The following EZH2 variants were observed in gnomAD, a reference collection of about 807,000 sequenced individuals.
EZH2 encodes the protein histone-lysine N-methyltransferase EZH2.
Under a neutral mutation model 98.4 loss-of-function variants are expected in EZH2, and 18 were observed. That is an observed-to-expected ratio of 0.18 (90% CI 0.13 to 0.27). The LOEUF (loss-of-function observed/expected upper bound fraction) is 0.27, where lower values mean the gene tolerates loss of function less well. EZH2 is among the 10% of genes least tolerant of loss of function. The pLI, the probability that EZH2 is intolerant of heterozygous loss-of-function variation, is 1.00. For synonymous variants in EZH2, 338 were observed against 312.3 expected, an observed-to-expected ratio of 1.08 and a Z score of -0.87; for missense variants, 470 against 935.1, an observed-to-expected ratio of 0.50 and a Z score of 6.49.
intron 16 of EZH2, among the ~76,000 whole-genome samples, chr7:148,810,896 C>CAAAAAAAAAAAAAAAA (rs924758768): frequency 2.3e-5 from 1 of 43,672 alleles, no homozygotes; most frequent in African/African-American, 8.6e-5. Context: ...AACTCTGTCT[C>CAAAAAAAAAAAAAAAA]AAAAAAAAAA....
rs187907541 is a variant in EZH2 at position 148,815,644 on chromosome 7, G to A, written c.1506-98C>T. ...GGATCTATCTGTGCCATGAATACAG[G>A]AATGCGTTAAAGCCAAGAGTCATGC... On this transcript the variant is annotated intron_variant, in intron 12 of 19. Coordinates refer to ENST00000320356, the MANE Select transcript of EZH2 (RefSeq NM_004456.5). The A allele has an allele frequency of 2.7e-6, 3 of 1,104,386 alleles. No homozygotes were observed. In the East Asian group the frequency reaches 7.1e-5, roughly 26 times the overall value. The allele number at this position is 1,104,386 out of a possible 1,614,324, so 68.4% of individuals were successfully genotyped here. A position where few individuals can be genotyped will look rare whatever the true frequency, so the allele number is the denominator to read the frequency against.
rs180787169 is a variant in EZH2, at chr7:148,837,587, A to T, written c.247-4837T>A. Reference sequence around the variant, plus strand: ...TTTATGCAAAGTAAGTACTGAAGAAAAACTGCAATGAGATAAATAGCAAAT... The same window carrying T: ...TTTATGCAAAGTAAGTACTGAAGAATAACTGCAATGAGATAAATAGCAAAT... On this transcript the variant is annotated intron_variant, in intron 3 of 19. Coordinates refer to ENST00000320356, the MANE Select transcript of EZH2 (RefSeq NM_004456.5). 4.8e-3 allele frequency among the ~76,000 whole-genome samples: 730 copies of T among 152,370 alleles called. 10 individuals are homozygous for T. The highest frequency in any genetic ancestry group is 0.017 in the African/African-American group (697 of 41,582).
chr7:148,869,058 T>C (rs1030577160), intron 1 of EZH2, among the ~76,000 whole-genome samples: 5 of 152,244 alleles, frequency 3.3e-5, no homozygotes, highest in African/African-American at 4.8e-5. Context: ...TAGTCCATTA[T>C]AGCAAAAGCT....
At chr7:148,809,432 G>C in intron 17 of EZH2, 42 bp from the exon 18 acceptor site, 2 of 1,485,820 alleles carry the variant, frequency 1.3e-6, no homozygotes, top group East Asian at 2.3e-5. Context: ...AATAATTTCA[G>C]TTATAAGTAA....
chr7:148,810,266 C>T lies in EZH2; in HGVS notation c.2029+67G>A, dbSNP rs542410931. Reference sequence around the variant, plus strand: ...ACTGACCTCTACCCTCGTTTCTGAACACTCGGCCGGCAGAAGGCTGCCACA... The same window carrying T: ...ACTGACCTCTACCCTCGTTTCTGAATACTCGGCCGGCAGAAGGCTGCCACA... On this transcript the variant is annotated intron_variant, in intron 17 of 19. Transcript: ENST00000320356. The T allele has an allele frequency of 5.3e-5, 65 of 1,219,312 alleles. No individual in the cohort carries two copies. In the African/African-American group the frequency reaches 9.6e-4, roughly 18 times the overall value. The allele number at this position is 1,219,312 out of a possible 1,614,324, so 75.5% of individuals were successfully genotyped here. A position where few individuals can be genotyped will look rare whatever the true frequency, so the allele number is the denominator to read the frequency against.
intron 2 of EZH2, 146 bp from the exon 3 acceptor site, chr7:148,846,744 T>C: frequency 8.6e-6 from 6 of 696,452 alleles, no homozygotes; most frequent in Non-Finnish European, 1.4e-5. Context: ...TACACTATAG[T>C]TTCCCACATT....
At chr7:148,867,895 G>C (rs1031838329) in intron 1 of EZH2, among the ~76,000 whole-genome samples, 1 of 152,188 alleles carries the variant, frequency 6.6e-6, no homozygotes, top group Non-Finnish European at 1.5e-5. Flanking sequence ...AAGTTCAACA[G>C]ATCCCTAGAG....
chr7:148,814,296 C>A (rs890894945), intron 14 of EZH2, among the ~76,000 whole-genome samples, 159 bp from the exon 15 acceptor site: 2 of 152,022 alleles, frequency 1.3e-5, no homozygotes, highest in African/African-American at 4.8e-5. Flanking sequence ...GTATTAACAG[C>A]GAAGTTATAG....
chr7:148,841,693 C>A (rs533483399), intron 3 of EZH2, among the ~76,000 whole-genome samples: 2 of 152,238 alleles, frequency 1.3e-5, no homozygotes, highest in South Asian at 4.1e-4. Context: ...ATGAAATACA[C>A]TAGGATATTA....
intron 19 of EZH2, 145 bp downstream of exon 19, chr7:148,808,926 G>A: frequency 1.6e-6 from 1 of 627,388 alleles, no homozygotes; most frequent in Non-Finnish European, 2.8e-6. Flanking sequence ...TACATAACAG[G>A]AAAGTGTAAC....
chr7:148,853,592 C>T (rs535063803), intron 1 of EZH2, among the ~76,000 whole-genome samples: 10 of 152,170 alleles, frequency 6.6e-5, no homozygotes, highest in Admixed American at 1.3e-4. Flanking sequence ...TACCAGTCCA[C>T]GGCCTGGGGA....
intron 1 of EZH2, among the ~76,000 whole-genome samples, chr7:148,859,982 TTC>T (rs1263165014): frequency 2.0e-5 from 3 of 152,140 alleles, no homozygotes; most frequent in Admixed American, 1.3e-4. Flanking sequence ...CAAATAGCCA[TTC>T]TCTGTTAGTA....
intron 14 of EZH2, among the ~76,000 whole-genome samples, chr7:148,814,451 T>C (rs191479074): frequency 6.6e-6 from 1 of 152,292 alleles, no homozygotes; most frequent in Non-Finnish European, 1.5e-5. Flanking sequence ...CCCCTAGTTC[T>C]AAACACTCCC....
At chr7:148,863,238 G>C (rs928410914) in intron 1 of EZH2, among the ~76,000 whole-genome samples, 2 of 151,738 alleles carry the variant, frequency 1.3e-5, no homozygotes, top group Non-Finnish European at 2.9e-5. Context: ...AGAGAACCTA[G>C]AACAGACAAT....
At position 148,826,575 on chromosome 7, in the gene EZH2, G is replaced by C. The variant is rs527647810; in HGVS notation, c.786C>G (p.Pro262=). Residue 262 remains proline (P), a synonymous_variant, in exon 8 of 20, where the codon CCC becomes CCG. Transcript: ENST00000320356. The stretch of plus-strand genomic sequence containing the variant: ...ATTTAGCATTTGGTCCATCTATGTT[G>C]GGGGTACATTCAGGAGGAAGTGCGC... ...LPGALPPECT[P]NIDGPNAKSV... 1.9e-6 allele frequency: 3 copies of C among 1,581,360 alleles called. No individual in the cohort carries two copies. The East Asian group carries it at 6.8e-5, about 36-fold the overall frequency.
At chr7:148,839,053 T>TAAGGAAGGAAGGAGG (rs1554402364) in intron 3 of EZH2, among the ~76,000 whole-genome samples, 11 of 107,744 alleles carry the variant, frequency 1.0e-4, no homozygotes, top group African/African-American at 3.7e-4. Flanking sequence ...CTCTGTCAAA[T>TAAGGAAGGAAGGAGG]AAGGAAGGAA....
intron 1 of EZH2, among the ~76,000 whole-genome samples, chr7:148,866,332 C>T (rs192067063): frequency 3.0e-3 from 450 of 151,856 alleles, no homozygotes; most frequent in Non-Finnish European, 4.8e-3. Flanking sequence ...TAGACCACGA[C>T]GGTTCCTGCC....
At chr7:148,828,450 G>A (rs1808379373) in intron 6 of EZH2, among the ~76,000 whole-genome samples, 1 of 151,848 alleles carries the variant, frequency 6.6e-6, no homozygotes, top group Non-Finnish European at 1.5e-5. Flanking sequence ...CAATCACCCT[G>A]TCTCATTTTT....
intron 1 of EZH2, among the ~76,000 whole-genome samples, chr7:148,880,235 C>A (rs1820770934): frequency 6.6e-6 from 1 of 152,164 alleles, no homozygotes; most frequent in Non-Finnish European, 1.5e-5. Context: ...TTTGAGGTAT[C>A]ACTAAATTTG....
Sources: gnomAD v4.1 joint callset for allele counts (sites outside exome capture counted in the v4.1 genomes callset) on GRCh38, gnomAD v4.1.1 for gene constraint, MANE v1.5 for transcripts, NCBI Gene and HGNC (gene_info 2026-07-23, HGNC 2026-07-21) for gene names.